Variants in PRKN observed in about 807,000 individuals in gnomAD.
The protein encoded by PRKN is parkin RBR E3 ubiquitin protein ligase, also known as E3 ubiquitin-protein ligase parkin.
A neutral mutation model predicts 59.5 loss-of-function variants in PRKN; 56 were observed. The observed-to-expected ratio is 0.94, with a 90% CI of 0.76 to 1.18. PRKN has a LOEUF of 1.18. Among genes scored for constraint, PRKN ranks in the 50% most tolerant of loss-of-function variants. The pLI is 0.00. For missense variants in PRKN, 657 were observed against 596.4 expected (o/e 1.10, Z -1.06); for synonymous variants, 250 against 222.1 (o/e 1.13, Z -1.12).
chr6:162,370,589 T>C (rs1298219560), intron 2 of PRKN, among the ~76,000 whole-genome samples: 1 of 152,178 alleles, frequency 6.6e-6, no homozygotes. Flanking sequence ...GTGAATCTAC[T>C]TAGATTTCTT....
chr6:161,856,736 G>A (rs905017840), intron 6 of PRKN, among the ~76,000 whole-genome samples: 4 of 152,014 alleles, frequency 2.6e-5, no homozygotes, highest in Non-Finnish European at 5.9e-5. Context: ...TCTTTTAGGT[G>A]CATTGGAACA....
chr6:161,647,351 G>A (rs769705062), intron 7 of PRKN, among the ~76,000 whole-genome samples: 17 of 152,220 alleles, frequency 1.1e-4, no homozygotes, highest in African/African-American at 2.4e-4. Flanking sequence ...GTCGACAGGC[G>A]TGGCTCTCTG....
intron 3 of PRKN, among the ~76,000 whole-genome samples, chr6:162,210,639 C>T (rs192404733): frequency 2.0e-5 from 3 of 152,022 alleles, no homozygotes; most frequent in Admixed American, 2.0e-4. Flanking sequence ...TATTATGGAA[C>T]ACAAACCCTG....
rs1786623087 is a variant in PRKN, at chr6:161,393,798, TA to T, written c.1084-6922del. ...GCCTGTTTTCTATCATGGCTGCATC[TA>T]TTATAAAAGCATTCTATTATGTGCA... On this transcript the variant is annotated intron_variant, in intron 9 of 11. Transcript: ENST00000366898. The surrounding 1 kb of genome is among the most constrained non-coding windows in gnomAD (Gnocchi z 4.7). Among the ~76,000 whole-genome samples the T allele has an allele frequency of 1.3e-5, 2 of 152,122 alleles. No individual in the cohort carries two copies. Among genetic ancestry groups the T allele is most frequent in the Admixed American group, 1.3e-4 (2 of 15,282 alleles).
At chr6:161,367,981 G>A (rs1048724192) in intron 10 of PRKN, among the ~76,000 whole-genome samples, 1 of 152,020 alleles carries the variant, frequency 6.6e-6, no homozygotes, top group Non-Finnish European at 1.5e-5. Context: ...TCGGAGCCCC[G>A]AGCTGCCTGG....
intron 1 of PRKN, among the ~76,000 whole-genome samples, chr6:162,706,644 G>A (rs1162644737): frequency 6.6e-6 from 1 of 152,166 alleles, no homozygotes; most frequent in African/African-American, 2.4e-5. Context: ...GTTTCCTCCT[G>A]GGTAACATGG....
chr6:162,688,802 T>C (rs1244369439), intron 1 of PRKN, among the ~76,000 whole-genome samples: 2 of 152,312 alleles, frequency 1.3e-5, no homozygotes, highest in East Asian at 3.9e-4. Flanking sequence ...TTGAAAAGGA[T>C]CAAGTTCTAT....
intron 9 of PRKN, among the ~76,000 whole-genome samples, chr6:161,443,605 A>T (rs1461568721): frequency 2.6e-5 from 4 of 152,230 alleles, no homozygotes; most frequent in Non-Finnish European, 4.4e-5. Flanking sequence ...TTAATGGTAA[A>T]TAGATAACCC....
rs892491195 is a variant in PRKN, at chr6:161,579,657, G to T, written c.872-10241C>A. On this transcript the variant is annotated intron_variant, in intron 7 of 11. Coordinates refer to ENST00000366898, the MANE Select transcript of PRKN (RefSeq NM_004562.3). The surrounding 1 kb of genome is among the most constrained non-coding windows in gnomAD (Gnocchi z 4.2). Reference sequence around the variant, plus strand: ...TATAAGTCATCGGACTTTAGGAATTGATGCAATTCCTTAAATGGAGGAATT... The same window carrying T: ...TATAAGTCATCGGACTTTAGGAATTTATGCAATTCCTTAAATGGAGGAATT... Among the ~76,000 whole-genome samples the T allele has an allele frequency of 3.9e-5, 6 of 151,906 alleles. No homozygotes were observed. The highest frequency in any genetic ancestry group is 5.9e-5 in the Non-Finnish European group (4 of 68,014).
intron 5 of PRKN, among the ~76,000 whole-genome samples, chr6:162,040,763 T>C (rs141091119): frequency 6.6e-6 from 1 of 151,960 alleles, no homozygotes; most frequent in East Asian, 1.9e-4. Context: ...AGACATATTT[T>C]TAAAGAACCA....
intron 3 of PRKN, among the ~76,000 whole-genome samples, chr6:162,203,615 G>T (rs1321228026): frequency 6.6e-6 from 1 of 152,194 alleles, no homozygotes; most frequent in Non-Finnish European, 1.5e-5. Context: ...GTTCCCATCG[G>T]CCTGGCTGAA....
At chr6:161,523,525 A>G (rs1010617881) in intron 9 of PRKN, among the ~76,000 whole-genome samples, 1 of 152,232 alleles carries the variant, frequency 6.6e-6, no homozygotes, top group Admixed American at 6.5e-5. Flanking sequence ...TCATGGTGTC[A>G]TTTTGCATTA....
At chr6:161,888,479 C>T (rs780929492) in intron 6 of PRKN, among the ~76,000 whole-genome samples, 1 of 152,180 alleles carries the variant, frequency 6.6e-6, no homozygotes, top group Admixed American at 6.5e-5. Context: ...CTTTGCCCAC[C>T]TCTCCTGGGG....
At chr6:162,189,479 T>G (rs1052632895) in intron 4 of PRKN, among the ~76,000 whole-genome samples, 1 of 150,624 alleles carries the variant, frequency 6.6e-6, no homozygotes, top group Non-Finnish European at 1.5e-5. Flanking sequence ...ATAGTCATTG[T>G]ATACCTTGGC....
At chr6:162,048,668 T>C (rs1453922297) in intron 5 of PRKN, among the ~76,000 whole-genome samples, 1 of 148,630 alleles carries the variant, frequency 6.7e-6, no homozygotes, top group African/African-American at 2.5e-5. Flanking sequence ...GGAAGAAGAA[T>C]AATTGTCTTG....
chr6:162,697,178 C>G (rs895019213), intron 1 of PRKN, among the ~76,000 whole-genome samples: 2 of 152,054 alleles, frequency 1.3e-5, no homozygotes, highest in Non-Finnish European at 2.9e-5. Flanking sequence ...AGTTGGATGA[C>G]TGGTATAACA....
intron 7 of PRKN, among the ~76,000 whole-genome samples, chr6:161,698,982 T>C (rs1327792558): frequency 3.3e-5 from 5 of 152,128 alleles, no homozygotes; most frequent in Admixed American, 3.3e-4. Context: ...AGAAAATATT[T>C]TCATGTATCT....
chr6:162,286,115 TA>T (rs1781179332), intron 2 of PRKN, among the ~76,000 whole-genome samples: 1 of 152,166 alleles, frequency 6.6e-6, no homozygotes, highest in Admixed American at 6.6e-5. Flanking sequence ...GCCAAAATTT[TA>T]AAATGATATC....
chr6:162,087,817 C>T (rs1467998727), intron 4 of PRKN, among the ~76,000 whole-genome samples: 1 of 152,114 alleles, frequency 6.6e-6, no homozygotes, highest in Non-Finnish European at 1.5e-5. Context: ...TGGTCTCGAT[C>T]TCGTGACCTC....
Sources: allele counts gnomAD v4.1 joint callset (sites outside exome capture counted in the v4.1 genomes callset), GRCh38; gene constraint gnomAD v4.1.1; non-coding constraint Gnocchi (gnomAD v3.1); transcripts MANE v1.5; gene names NCBI Gene and HGNC (gene_info 2026-07-23, HGNC 2026-07-21).